Variants in DLG2 observed in about 807,000 individuals in gnomAD.
The protein encoded by DLG2 is disks large homolog 2.
DLG2 carries 45 observed loss-of-function variants against 132.5 expected under a neutral mutation model. That is an observed-to-expected ratio of 0.34 (90% confidence interval 0.27 to 0.44). The LOEUF (loss-of-function observed/expected upper bound fraction) is 0.44. DLG2 is among the 20% of genes least tolerant of loss of function. The probability of loss-of-function intolerance (pLI) is 1.00; values close to 1 mark genes in which losing one functional copy is unlikely to be tolerated. For synonymous variants in DLG2, 424 were observed against 419.6 expected, an observed-to-expected ratio of 1.01 and a Z score of -0.13; for missense variants, 1,045 against 1,196.9, an observed-to-expected ratio of 0.87 and a Z score of 1.87.
intron 19 of DLG2, among the ~76,000 whole-genome samples, chr11:83,589,007 C>T (rs10898140): frequency 0.45 from 64,385 of 143,050 alleles, 14,862 homozygotes; most frequent in Admixed American, 0.55. Context: ...ACCAAATCTA[C>T]GTCTGACTGG....
intron 6 of DLG2, among the ~76,000 whole-genome samples, chr11:84,707,210 G>A (rs1485371960): frequency 1.3e-5 from 2 of 151,706 alleles, no homozygotes; most frequent in Admixed American, 1.3e-4. Flanking sequence ...TGATTAATCT[G>A]AGATCAAATC....
At chr11:83,777,897 G>A (rs1343208619) in intron 18 of DLG2, among the ~76,000 whole-genome samples, 1 of 152,142 alleles carries the variant, frequency 6.6e-6, no homozygotes, top group African/African-American at 2.4e-5. Context: ...AACATCAGCT[G>A]GAAAGGGCCT....
intron 24 of DLG2, 87 bp from the exon 25 acceptor site, chr11:83,469,460 A>G: frequency 1.0e-6 from 1 of 974,076 alleles, no homozygotes; most frequent in Non-Finnish European, 1.5e-6. Context: ...CATCCTCAAC[A>G]TTGATATGTA....
At chr11:85,620,617 A>C (rs2081628214) in intron 2 of DLG2, among the ~76,000 whole-genome samples, 2 of 152,254 alleles carry the variant, frequency 1.3e-5, no homozygotes. Flanking sequence ...CTGTTGATAT[A>C]GGGAAAGTTT....
chr11:83,794,485 C>T (rs1463868739), intron 17 of DLG2, among the ~76,000 whole-genome samples: 1 of 138,734 alleles, frequency 7.2e-6, no homozygotes, highest in Non-Finnish European at 1.5e-5. Context: ...AACTTTTTCA[C>T]CTGGATGCAT....
chr11:85,068,034 G>T (rs2065199000), intron 6 of DLG2, among the ~76,000 whole-genome samples: 1 of 152,040 alleles, frequency 6.6e-6, no homozygotes, highest in Non-Finnish European at 1.5e-5. Context: ...CATATAAACA[G>T]AACCAAAGAC....
At chr11:84,958,168 T>C (rs1043339310) in intron 6 of DLG2, among the ~76,000 whole-genome samples, 1 of 152,216 alleles carries the variant, frequency 6.6e-6, no homozygotes, top group Non-Finnish European at 1.5e-5. Flanking sequence ...GGAAAGATTG[T>C]GCATTTGGTA....
intron 7 of DLG2, among the ~76,000 whole-genome samples, chr11:84,344,102 T>G (rs1387385175): frequency 6.6e-6 from 1 of 152,132 alleles, no homozygotes; most frequent in Admixed American, 6.5e-5. Context: ...CAGAGAAGAA[T>G]GAAGAAATAA....
At chr11:83,588,406 G>A (rs2097130618) in intron 19 of DLG2, among the ~76,000 whole-genome samples, 1 of 151,850 alleles carries the variant, frequency 6.6e-6, no homozygotes, top group Admixed American at 6.6e-5. Flanking sequence ...TATTCCAACA[G>A]ACCTGCAGCT....
chr11:83,856,693 GTACAT>G (rs2060583844), intron 16 of DLG2, among the ~76,000 whole-genome samples: 1 of 151,828 alleles, frequency 6.6e-6, no homozygotes, highest in African/African-American at 2.4e-5. Flanking sequence ...GTCTTTTTCT[GTACAT>G]TCCTTTAAGT....
chr11:84,310,473 T>A (rs2098275402), intron 7 of DLG2, among the ~76,000 whole-genome samples: 1 of 152,224 alleles, frequency 6.6e-6, no homozygotes, highest in African/African-American at 2.4e-5. Context: ...TTGTCATTTT[T>A]GTTCTTTTCT....
At chr11:84,755,993 A>C (rs1191158992) in intron 6 of DLG2, among the ~76,000 whole-genome samples, 2 of 152,224 alleles carry the variant, frequency 1.3e-5, no homozygotes, top group Non-Finnish European at 2.9e-5. Flanking sequence ...ATCAGTATAT[A>C]AAATTTGCAA....
At chr11:83,945,991 CTCTT>C (rs1565755983) in intron 14 of DLG2, among the ~76,000 whole-genome samples, 7 of 116,470 alleles carry the variant, frequency 6.0e-5, no homozygotes, top group South Asian at 2.8e-4. Context: ...TTCTCTCTCT[CTCTT>C]TTTTTTTTTT....
At chr11:83,867,996 T>A (rs2062719275) in intron 16 of DLG2, among the ~76,000 whole-genome samples, 1 of 151,992 alleles carries the variant, frequency 6.6e-6, no homozygotes, top group Non-Finnish European at 1.5e-5. Context: ...GAAATGAGGC[T>A]AAGGAAAAGG....
At chr11:85,578,817 G>A (rs2078326408) in intron 3 of DLG2, among the ~76,000 whole-genome samples, 1 of 152,202 alleles carries the variant, frequency 6.6e-6, no homozygotes, top group African/African-American at 2.4e-5. Flanking sequence ...ATGGAAGACA[G>A]TGTGGCAATT....
intron 6 of DLG2, among the ~76,000 whole-genome samples, chr11:85,028,297 G>C (rs2060707987): frequency 6.6e-6 from 1 of 152,100 alleles, no homozygotes. Flanking sequence ...TTGGTCCATG[G>C]GCAGCCAAGA....
intron 19 of DLG2, among the ~76,000 whole-genome samples, chr11:83,608,667 C>A (rs2059678222): frequency 6.6e-6 from 1 of 151,834 alleles, no homozygotes; most frequent in Non-Finnish European, 1.5e-5. Flanking sequence ...CATCATAAAT[C>A]AGGAGCAATC....
Position 83,710,931 on chromosome 11 carries a change from A to G in DLG2, c.1825+75759T>C, listed in dbSNP as rs111322476. Among the ~76,000 whole-genome samples the G allele has an allele frequency of 7.9e-3, 1,211 of 152,330 alleles. 18 individuals carry two copies. Among genetic ancestry groups the G allele is most frequent in the African/African-American group, 0.028 (1,166 of 41,566 alleles). On this transcript the variant is annotated intron_variant, in intron 18 of 27. Coordinates refer to ENST00000376104, the MANE Select transcript of DLG2 (RefSeq NM_001142699.3). ...ATACTAATAAATGTAACCAATTTTC[A>G]TGGAGCACTAACTGTACCCAAGGAC...
chr11:85,330,660 G>A (rs2081638628), intron 3 of DLG2, among the ~76,000 whole-genome samples: 1 of 105,058 alleles, frequency 9.5e-6, no homozygotes, highest in Admixed American at 9.8e-5. Flanking sequence ...ATAGCATTGG[G>A]AGATATACCT....
Sources: gnomAD v4.1 joint callset for allele counts (sites outside exome capture counted in the v4.1 genomes callset) on GRCh38, gnomAD v4.1.1 for gene constraint, MANE v1.5 for transcripts, NCBI Gene and HGNC (gene_info 2026-07-23, HGNC 2026-07-21) for gene names.